Variants in TMEM216 observed in about 807,000 individuals in gnomAD.
TMEM216 encodes transmembrane protein 216.
A neutral mutation model predicts 17.8 loss-of-function variants in TMEM216; 15 were observed. The observed-to-expected ratio is 0.84, with a 90% CI of 0.56 to 1.30. TMEM216 has a LOEUF of 1.30. TMEM216 is among the 50% of genes most tolerant of loss of function. The pLI, the probability that TMEM216 is intolerant of heterozygous loss-of-function variation, is 0.00. For missense variants in TMEM216, 160 were observed against 175.7 expected (o/e 0.91, Z 0.51); for synonymous variants, 58 against 73.5 (o/e 0.79, Z 1.08).
At chr11:61,396,428 G>A (rs1456997872) in intron 3 of TMEM216, among the ~76,000 whole-genome samples, 2 of 152,002 alleles carry the variant, frequency 1.3e-5, no homozygotes, top group African/African-American at 4.8e-5. Flanking sequence ...GCAGTGAGCC[G>A]AGATTGCACC....
At position 61,393,314 on chromosome 11, in the gene TMEM216, T is replaced by C. The variant is rs1858721214; in HGVS notation, c.118T>C (p.Phe40Leu). ...TGCTACCTATTTCCTGCTGGAACTTTTCATATTTCTGTATAAAGGTAAGGA... is the reference window on the plus strand; with the variant it reads ...TGCTACCTATTTCCTGCTGGAACTTCTCATATTTCTGTATAAAGGTAAGGA... The part of the protein sequence containing the change: ...YNATYFLLEL[F>L]IFLYKGVLLP... Residue 40 changes from phenylalanine to leucine, a missense_variant, in exon 2 of 5, where the codon TTC becomes CTC. Transcript: ENST00000515837. The C allele has an allele frequency of 1.1e-5, 17 of 1,535,452 alleles. No individual in the cohort carries two copies. Among genetic ancestry groups the C allele is most frequent in the Non-Finnish European group, 1.4e-5 (16 of 1,146,432 alleles).
intron 4 of TMEM216, 132 bp from the exon 5 acceptor site, chr11:61,398,138 G>A (rs1176121544): frequency 2.2e-5 from 31 of 1,413,164 alleles, no homozygotes; most frequent in Admixed American, 5.7e-5. Flanking sequence ...TAGGTAGATC[G>A]TTTCCCACTC....
chr11:61,397,744 G>A, intron 3 of TMEM216, 30 bp from the exon 4 acceptor site: 2 of 1,595,560 alleles, frequency 1.3e-6, no homozygotes, highest in African/African-American at 1.3e-5. Context: ...CAGACCATTT[G>A]GAGATGACTC....
chr11:61,394,982 C>T (rs1398398957), intron 3 of TMEM216, among the ~76,000 whole-genome samples: 1 of 151,288 alleles, frequency 6.6e-6, no homozygotes, highest in African/African-American at 2.4e-5. Flanking sequence ...GTTTTTTAAA[C>T]ATTTATTTAT....
At chr11:61,396,967 G>A (rs906468466) in intron 3 of TMEM216, among the ~76,000 whole-genome samples, 1 of 151,658 alleles carries the variant, frequency 6.6e-6, no homozygotes, top group African/African-American at 2.4e-5. Flanking sequence ...TATGTGTGTG[G>A]AAAAATGTTT....
chr11:61,396,404 G>A (rs1192258864), intron 3 of TMEM216, among the ~76,000 whole-genome samples: 2 of 152,072 alleles, frequency 1.3e-5, no homozygotes, highest in African/African-American at 2.4e-5. Context: ...ACTTGAGCCC[G>A]GGAGGCGGAA....
intron 3 of TMEM216, among the ~76,000 whole-genome samples, chr11:61,396,153 G>A (rs1265241350): frequency 2.0e-5 from 3 of 152,094 alleles, no homozygotes; most frequent in East Asian, 1.9e-4. Flanking sequence ...AATCAGTTAC[G>A]GCACTGATTC....
At position 61,398,669 on chromosome 11, in the gene TMEM216, C is replaced by T. The variant is rs1858858010; in HGVS notation, c.*393C>T. 4.9e-6 allele frequency: 1 copy of T among 205,792 alleles called. No homozygotes were observed. 12.7% of individuals were successfully genotyped at this position (205,792 alleles called of 1,614,324 possible). ...TGCTCCCTGTACGAGCTGTGCTATACCTGTCCCACATGAGCACGGAGAGCC... is the reference window on the plus strand; with the variant it reads ...TGCTCCCTGTACGAGCTGTGCTATATCTGTCCCACATGAGCACGGAGAGCC... On this transcript the variant is annotated 3_prime_UTR_variant, in exon 5 of 5. Transcript: ENST00000515837.
rs752216307 is a variant in TMEM216 at position 61,397,888 on chromosome 11, G to A, written c.344G>A (p.Arg115His). Residue 115 changes from arginine to histidine, a missense_variant, in exon 4 of 5, where the codon CGC (arginine) becomes CAC (histidine). Coordinates refer to ENST00000515837, the MANE Select transcript of TMEM216 (RefSeq NM_001173990.3). ...YYLLLQTYVL[R>H]LEAIMNGILL... ...CTGCTGCTGCAGACCTACGTACTCCGCCTGGAAGCCATCATGAATGGCATC... is the reference window on the plus strand; with the variant it reads ...CTGCTGCTGCAGACCTACGTACTCCACCTGGAAGCCATCATGAATGGCATC... 151 of 1,613,854 alleles carry A rather than the reference G, an allele frequency of 9.4e-5. No homozygotes were observed. Among genetic ancestry groups the A allele is most frequent in the Admixed American group, 3.5e-4 (21 of 60,000 alleles).
At chr11:61,392,988 T>TCTTG (rs1858708867) in intron 1 of TMEM216, 1 of 683,144 alleles carries the variant, frequency 1.5e-6, no homozygotes, top group South Asian at 6.6e-5. Context: ...GCGAGTTACC[T>TCTTG]CTTGACTTTT....
chr11:61,398,591 A>C lies in TMEM216; in HGVS notation c.*315A>C. The stretch of plus-strand genomic sequence containing the variant: ...CCTCCTTGATCACCGTGGCCAGAGC[A>C]TCTCGTGTGGACCATCTAGGCTCCT... On this transcript the variant is annotated 3_prime_UTR_variant, in exon 5 of 5. Transcript: ENST00000515837. The C allele has an allele frequency of 2.5e-6, 1 of 403,772 alleles. No individual in the cohort carries two copies. Among genetic ancestry groups the C allele is most frequent in the Non-Finnish European group, 4.5e-6 (1 of 223,184 alleles). The allele number at this position is 403,772 out of a possible 1,614,324, so 25.0% of individuals were successfully genotyped here. A position where few individuals can be genotyped will look rare whatever the true frequency, so the allele number is the denominator to read the frequency against.
chr11:61,392,926 A>T (rs532873392), intron 1 of TMEM216: 66 of 958,746 alleles, frequency 6.9e-5, no homozygotes, highest in Non-Finnish European at 7.8e-5. Flanking sequence ...CTGCGCCCCA[A>T]CTTCCCCTCC....
intron 4 of TMEM216, 122 bp downstream of exon 4, chr11:61,398,097 G>A (rs895228081): frequency 2.2e-6 from 3 of 1,383,900 alleles, no homozygotes; most frequent in Admixed American, 3.6e-5. Flanking sequence ...GGAGGAAGGG[G>A]TGGCTATGGG....
chr11:61,396,867 G>A (rs1203880700), intron 3 of TMEM216, among the ~76,000 whole-genome samples: 13 of 151,210 alleles, frequency 8.6e-5, no homozygotes, highest in Non-Finnish European at 1.8e-4. Context: ...CCAGGGGTTC[G>A]AGGCTGCAGT....
chr11:61,395,659 C>G (rs1858782276), intron 3 of TMEM216, among the ~76,000 whole-genome samples: 1 of 151,522 alleles, frequency 6.6e-6, no homozygotes, highest in Admixed American at 6.6e-5. Context: ...TCGCTTGAAC[C>G]CAGGAGGCAG....
intron 3 of TMEM216, 41 bp from the exon 4 acceptor site, chr11:61,397,733 G>A (rs1858829431): frequency 1.3e-6 from 2 of 1,582,546 alleles, no homozygotes; most frequent in Non-Finnish European, 8.7e-7. Flanking sequence ...GCCAGGAAAA[G>A]CAGACCATTT....
intron 4 of TMEM216, 40 bp from the exon 5 acceptor site, chr11:61,398,229 GT>G: frequency 6.3e-7 from 1 of 1,593,568 alleles, no homozygotes; most frequent in Non-Finnish European, 8.5e-7. Flanking sequence ...TCATTCACTG[GT>G]CTTTTAACAT....
At chr11:61,393,820 T>C in intron 2 of TMEM216, 64 bp from the exon 3 acceptor site, 3 of 1,289,644 alleles carry the variant, frequency 2.3e-6, no homozygotes, top group South Asian at 2.6e-5. Context: ...TTTTCCCAAG[T>C]GTGTGGCAGT....
rs192145466 is a variant in TMEM216 at position 61,394,903 on chromosome 11, G to T, written c.229+927G>T. Among the ~76,000 whole-genome samples, 66 of 152,304 alleles carry T rather than the reference G, an allele frequency of 4.3e-4. No individual in the cohort carries two copies. The East Asian group carries it at 8.5e-3, about 20-fold the overall frequency. ...GATGGTCTCGATCTCCTGACCTCAT[G>T]ATCCACCCGCCTTGGCCTCCCAAAG... is the stretch of plus-strand genomic sequence containing the variant. On this transcript the variant is annotated intron_variant, in intron 3 of 4. Transcript: ENST00000515837.
Sources: gnomAD v4.1 joint callset for allele counts (sites outside exome capture counted in the v4.1 genomes callset) on GRCh38, gnomAD v4.1.1 for gene constraint, MANE v1.5 for transcripts, NCBI Gene and HGNC (gene_info 2026-07-23, HGNC 2026-07-21) for gene names.